MYO9A: variants seen among roughly 807,000 people sequenced by gnomAD.
MYO9A encodes the protein myosin IXA, also known as unconventional myosin-IXa.
Under a neutral mutation model 293.3 loss-of-function variants are expected in MYO9A, and 103 were observed. That is an observed-to-expected ratio of 0.35 (90% CI 0.30 to 0.41). The LOEUF is 0.41. Ranked by LOEUF, MYO9A falls within the 10% of genes least tolerant of loss-of-function variation. The pLI is 1.00. For missense variants in MYO9A, 2,685 were observed against 3,033.0 expected (o/e 0.89, Z 2.69); for synonymous variants, 1,001 against 1,035.7 (o/e 0.97, Z 0.64).
At chr15:72,027,239 A>G (rs1426768030) in intron 4 of MYO9A, among the ~76,000 whole-genome samples, 2 of 152,252 alleles carry the variant, frequency 1.3e-5, no homozygotes, top group Non-Finnish European at 2.9e-5. Context: ...AGGCATACCC[A>G]ATATTTGAAT....
chr15:72,018,640 A>G (rs2149148907), intron 6 of MYO9A, among the ~76,000 whole-genome samples: 1 of 152,286 alleles, frequency 6.6e-6, no homozygotes, highest in East Asian at 1.9e-4. Context: ...ATTTTTTGAA[A>G]TAAACAATAA....
intron 21 of MYO9A, 38 bp downstream of exon 21, chr15:71,903,891 T>C (rs1480028240): frequency 6.6e-7 from 1 of 1,511,722 alleles, no homozygotes; most frequent in South Asian, 1.2e-5. Context: ...ATTTACTTGA[T>C]GTGTCTAAAT....
At chr15:71,973,033 T>C (rs905558150) in intron 12 of MYO9A, among the ~76,000 whole-genome samples, 15 of 152,320 alleles carry the variant, frequency 9.8e-5, no homozygotes, top group African/African-American at 3.6e-4. Flanking sequence ...TTATAATAGC[T>C]AAAATGAAAT....
chr15:71,895,744 C>T (rs142275730), intron 25 of MYO9A, among the ~76,000 whole-genome samples: 28 of 151,928 alleles, frequency 1.8e-4, no homozygotes, highest in African/African-American at 6.5e-4. Context: ...ATTAATAAAG[C>T]AATAAAAGAA....
At chr15:71,856,440 A>T (rs1326842677) in intron 34 of MYO9A, among the ~76,000 whole-genome samples, 1 of 152,116 alleles carries the variant, frequency 6.6e-6, no homozygotes, top group South Asian at 2.1e-4. Flanking sequence ...TGGATAACAA[A>T]CAACTAATGA....
chr15:71,840,411 C>CA (rs2055106426), intron 39 of MYO9A, among the ~76,000 whole-genome samples: 1 of 152,170 alleles, frequency 6.6e-6, no homozygotes, highest in South Asian at 2.1e-4. Flanking sequence ...GCTATACTCC[C>CA]AGTCCCATAT....
At chr15:71,923,446 C>T (rs575582315) in intron 18 of MYO9A, among the ~76,000 whole-genome samples, 24 of 152,282 alleles carry the variant, frequency 1.6e-4, no homozygotes, top group African/African-American at 5.5e-4. Flanking sequence ...GAGACTCATT[C>T]TTCTTCAAAT....
chr15:72,078,879 G>A (rs1356475719), intron 1 of MYO9A, among the ~76,000 whole-genome samples: 2 of 152,170 alleles, frequency 1.3e-5, no homozygotes, highest in Non-Finnish European at 2.9e-5. Context: ...AAAAGCCTAT[G>A]TACTGTATGA....
intron 16 of MYO9A, among the ~76,000 whole-genome samples, chr15:71,935,802 T>C (rs1172022312): frequency 1.3e-5 from 2 of 152,040 alleles, no homozygotes; most frequent in Non-Finnish European, 2.9e-5. Flanking sequence ...CTTCCCTCTT[T>C]GTTAGATTTT....
At chr15:71,946,484 CTT>C (rs575500491) in intron 15 of MYO9A, among the ~76,000 whole-genome samples, 22 of 152,158 alleles carry the variant, frequency 1.4e-4, no homozygotes, top group Non-Finnish European at 2.8e-4. Flanking sequence ...TTCATAATCT[CTT>C]TGTCAAACTT....
At position 71,984,200 on chromosome 15, in the gene MYO9A, G is replaced by A. The variant is rs28725348; in HGVS notation, c.1723-5908C>T. ...TGATTTTGCCCAACTGTAGGCTAAT[G>A]TAAGTGTTCTGAGCACATTTAATGT... On this transcript the variant is annotated intron_variant, in intron 11 of 41. Transcript: ENST00000356056. Among the ~76,000 whole-genome samples, 1,080 of 152,332 alleles carry A rather than the reference G, an allele frequency of 7.1e-3. 13 individuals carry two copies. Among genetic ancestry groups the A allele is most frequent in the African/African-American group, 0.024 (1,006 of 41,572 alleles).
At chr15:71,921,467 C>T (rs12900967) in intron 18 of MYO9A, among the ~76,000 whole-genome samples, 1 of 152,290 alleles carries the variant, frequency 6.6e-6, no homozygotes, top group African/African-American at 2.4e-5. Flanking sequence ...GTCATCCCTT[C>T]CACCCACTCC....
intron 30 of MYO9A, among the ~76,000 whole-genome samples, chr15:71,878,622 C>T (rs1396278075): frequency 6.6e-6 from 1 of 151,940 alleles, no homozygotes; most frequent in Non-Finnish European, 1.5e-5. Context: ...GAATCATTGC[C>T]TAAGCATATA....
intron 1 of MYO9A, among the ~76,000 whole-genome samples, chr15:72,116,046 G>A (rs2080962435): frequency 6.6e-6 from 1 of 152,132 alleles, no homozygotes; most frequent in South Asian, 2.1e-4. Flanking sequence ...TGTAAAGTAT[G>A]CAACCATTTG....
At chr15:71,863,698 A>C (rs2056227351) in intron 32 of MYO9A, among the ~76,000 whole-genome samples, 1 of 152,232 alleles carries the variant, frequency 6.6e-6, no homozygotes, top group African/African-American at 2.4e-5. Flanking sequence ...ATGTGGTACA[A>C]GTGTAATTTT....
At chr15:72,066,701 G>A (rs1378195279) in intron 1 of MYO9A, among the ~76,000 whole-genome samples, 3 of 152,130 alleles carry the variant, frequency 2.0e-5, no homozygotes, top group Admixed American at 6.6e-5. Flanking sequence ...AATATGGGTG[G>A]TGGATAACCG....
At chr15:71,836,476 T>C (rs1460215826) in intron 39 of MYO9A, among the ~76,000 whole-genome samples, 1 of 152,028 alleles carries the variant, frequency 6.6e-6, no homozygotes, top group African/African-American at 2.4e-5. Context: ...TGAAGACACA[T>C]ATATCCTGTG....
intron 8 of MYO9A, among the ~76,000 whole-genome samples, chr15:72,005,384 T>C (rs2076986563): frequency 6.6e-6 from 1 of 152,184 alleles, no homozygotes; most frequent in East Asian, 1.9e-4. Flanking sequence ...GAAGAAATGA[T>C]GCACTAGAAA....
intron 1 of MYO9A, among the ~76,000 whole-genome samples, chr15:72,099,430 A>C (rs1567038164): frequency 6.9e-6 from 1 of 145,668 alleles, no homozygotes; most frequent in African/African-American, 2.5e-5. Context: ...CCCAAAAAAA[A>C]AAAAAAAAAA....
Sources: allele counts gnomAD v4.1 joint callset (sites outside exome capture counted in the v4.1 genomes callset), GRCh38; gene constraint gnomAD v4.1.1; transcripts MANE v1.5; gene names NCBI Gene and HGNC (gene_info 2026-07-23, HGNC 2026-07-21).